The following ACYP2 variants were observed in gnomAD, a reference collection of about 807,000 sequenced individuals.
The protein encoded by ACYP2 is acylphosphatase-2.
ACYP2 carries 12 observed loss-of-function variants against 11.2 expected under a neutral mutation model. The observed-to-expected ratio is 1.08, with a 90% CI of 0.69 to 1.74. The LOEUF is 1.74. Among genes scored for constraint, ACYP2 ranks in the 40% most tolerant of loss-of-function variants. The probability of loss-of-function intolerance (pLI) is 0.00; values close to 1 mark genes in which losing one functional copy is unlikely to be tolerated. For missense variants in ACYP2, 134 were observed against 101.9 expected, an observed-to-expected ratio of 1.31 and a Z score of -1.35; for synonymous variants, 43 against 32.2, an observed-to-expected ratio of 1.33 and a Z score of -1.13.
chr2:54,304,877 T>G lies in ACYP2; in HGVS notation c.*75T>G. 1.3e-6 allele frequency: 1 copy of G among 769,142 alleles called. No individual in the cohort carries two copies. Among genetic ancestry groups the G allele is most frequent in the Non-Finnish European group, 2.0e-6 (1 of 500,568 alleles). 47.6% of individuals were successfully genotyped at this position (769,142 alleles called of 1,614,324 possible). ...AAGACTATGTATACTAGAATAATAG[T>G]AGCAGAGTAGGGTGAAAAGGAACTT... On this transcript the variant is annotated 3_prime_UTR_variant, in exon 7 of 7. Coordinates refer to ENST00000607452, the MANE Select transcript of ACYP2 (RefSeq NM_001320586.2).
chr2:54,148,086 G>A lies in ACYP2; in HGVS notation c.404+9338G>A, dbSNP rs77230441. On this transcript the variant is annotated intron_variant, in intron 6 of 6. Transcript: ENST00000607452. ...TGGTCAAAAAAGGAAAAGTGCAGCTGCACATGATATCCACAGTTAAGGCAG... is the reference window on the plus strand; with the variant it reads ...TGGTCAAAAAAGGAAAAGTGCAGCTACACATGATATCCACAGTTAAGGCAG... Among the ~76,000 whole-genome samples the A allele has an allele frequency of 2.1e-3, 320 of 152,258 alleles. 3 individuals carry two copies. The highest frequency in any genetic ancestry group is 7.2e-3 in the African/African-American group (300 of 41,562).
intron 6 of ACYP2, among the ~76,000 whole-genome samples, chr2:54,299,352 G>T (rs1689634911): frequency 6.6e-6 from 1 of 151,776 alleles, no homozygotes; most frequent in Non-Finnish European, 1.5e-5. Context: ...CCAGCACTTT[G>T]GGAGGCCGAG....
At chr2:53,977,242 TTTCACATTTAGC>T (rs1671539846) in intron 2 of ACYP2, among the ~76,000 whole-genome samples, 1 of 151,192 alleles carries the variant, frequency 6.6e-6, no homozygotes, top group Admixed American at 6.6e-5. Context: ...AGAGACGGGG[TTTCACATTTAGC>T]CAGGATGGTC....
chr2:54,188,915 C>T (rs1182524719), intron 6 of ACYP2, among the ~76,000 whole-genome samples: 1 of 152,156 alleles, frequency 6.6e-6, no homozygotes, highest in Non-Finnish European at 1.5e-5. Flanking sequence ...ACAGCCCCTC[C>T]GCTCGTACTC....
chr2:54,280,024 A>C (rs1371018209), intron 6 of ACYP2, among the ~76,000 whole-genome samples: 1 of 152,180 alleles, frequency 6.6e-6, no homozygotes, highest in Non-Finnish European at 1.5e-5. Context: ...TGTAATTTTC[A>C]TCATTCCTGA....
chr2:53,979,213 T>C (rs1164176421), intron 2 of ACYP2, among the ~76,000 whole-genome samples: 2 of 152,168 alleles, frequency 1.3e-5, no homozygotes, highest in African/African-American at 4.8e-5. Flanking sequence ...AACAGAGTGA[T>C]ATTAATGATC....
intron 6 of ACYP2, among the ~76,000 whole-genome samples, chr2:54,239,608 T>C (rs1686644564): frequency 6.6e-6 from 1 of 152,216 alleles, no homozygotes; most frequent in African/African-American, 2.4e-5. Flanking sequence ...GGCTGTGCCA[T>C]ATGTCCTTGT....
At chr2:54,195,231 A>T (rs1304754625) in intron 6 of ACYP2, among the ~76,000 whole-genome samples, 1 of 152,218 alleles carries the variant, frequency 6.6e-6, no homozygotes, top group Non-Finnish European at 1.5e-5. Flanking sequence ...TATAGAGGGC[A>T]TTGCCAGTCA....
intron 6 of ACYP2, among the ~76,000 whole-genome samples, chr2:54,165,535 T>TCTCA (rs1553383671): frequency 1.1e-3 from 146 of 128,960 alleles, no homozygotes; most frequent in Middle Eastern, 7.2e-3. Context: ...TCTCTCTCTC[T>TCTCA]CACACACACA....
chr2:54,284,198 A>T (rs903085509), intron 6 of ACYP2, among the ~76,000 whole-genome samples: 1 of 151,870 alleles, frequency 6.6e-6, no homozygotes, highest in Non-Finnish European at 1.5e-5. Flanking sequence ...GACTCATAAA[A>T]AGCATCCACA....
chr2:54,052,291 T>C (rs1217353658), intron 3 of ACYP2, among the ~76,000 whole-genome samples: 1 of 152,132 alleles, frequency 6.6e-6, no homozygotes, highest in Non-Finnish European at 1.5e-5. Flanking sequence ...ACCGTGTCAT[T>C]TTTTGTATGG....
chr2:54,003,233 C>T (rs1345184780), intron 2 of ACYP2, among the ~76,000 whole-genome samples: 2 of 152,068 alleles, frequency 1.3e-5, no homozygotes, highest in South Asian at 2.1e-4. Flanking sequence ...CAGGTGTGAG[C>T]CAGTGCGCCC....
intron 6 of ACYP2, among the ~76,000 whole-genome samples, chr2:54,219,239 C>A (rs1685681256): frequency 6.6e-6 from 1 of 151,928 alleles, no homozygotes; most frequent in Non-Finnish European, 1.5e-5. Context: ...TTGAGCAGAC[C>A]CTTAAGAGAT....
chr2:54,115,850 C>A (rs1679744418), intron 4 of ACYP2, 94 bp downstream of exon 1: 1 of 1,370,524 alleles, frequency 7.3e-7, no homozygotes, highest in South Asian at 1.6e-5. Flanking sequence ...TATGCCTTTT[C>A]CCGTTGTGGC....
chr2:54,013,973 C>A lies in ACYP2; in HGVS notation c.63-36985C>A, dbSNP rs757048556. Among the ~76,000 whole-genome samples the A allele has an allele frequency of 5.3e-5, 8 of 151,996 alleles. No individual in the cohort carries two copies. The East Asian group carries it at 1.5e-3, about 29-fold the overall frequency. ...AGGAGTTCGAGACCAGCCTGGCCAA[C>A]GTGGTGAAGCCCCTTCTCCACTAAA... On this transcript the variant is annotated intron_variant, in intron 2 of 6. Transcript: ENST00000607452.
At chr2:54,299,692 C>G (rs1469947242) in intron 6 of ACYP2, among the ~76,000 whole-genome samples, 1 of 152,008 alleles carries the variant, frequency 6.6e-6, no homozygotes, top group African/African-American at 2.4e-5. Context: ...GATGGGGAGG[C>G]TCACACTCCT....
intron 6 of ACYP2, among the ~76,000 whole-genome samples, chr2:54,152,427 G>C (rs1334950550): frequency 1.3e-5 from 2 of 152,076 alleles, no homozygotes; most frequent in East Asian, 3.9e-4. Flanking sequence ...CCTGTCCAGA[G>C]TTCACTTGTG....
intron 2 of ACYP2, among the ~76,000 whole-genome samples, chr2:53,992,149 TTC>T (rs1288174481): frequency 6.7e-6 from 1 of 149,366 alleles, no homozygotes; most frequent in Non-Finnish European, 1.5e-5. Flanking sequence ...CTTCCTTTCT[TTC>T]TTTCCTTCCT....
At chr2:54,130,758 T>C (rs1293223164) in intron 4 of ACYP2, among the ~76,000 whole-genome samples, 1 of 152,190 alleles carries the variant, frequency 6.6e-6, no homozygotes, top group African/African-American at 2.4e-5. Context: ...GGTTTGAATA[T>C]TTAACTATGC....
Sources: allele counts gnomAD v4.1 joint callset (sites outside exome capture counted in the v4.1 genomes callset), GRCh38; gene constraint gnomAD v4.1.1; transcripts MANE v1.5; gene names NCBI Gene and HGNC (gene_info 2026-07-23, HGNC 2026-07-21).